The following COG5 variants were observed in gnomAD, a reference collection of about 807,000 sequenced individuals.
COG5 encodes component of oligomeric golgi complex 5.
Under a neutral mutation model 110.4 loss-of-function variants are expected in COG5, and 86 were observed. That is an observed-to-expected ratio of 0.78 (90% CI 0.65 to 0.93). COG5 has a LOEUF of 0.93. Ranked by LOEUF, COG5 falls within the 40% of genes least tolerant of loss-of-function variation. The pLI, the probability that COG5 is intolerant of heterozygous loss-of-function variation, is 0.00. For missense variants in COG5, 1,077 were observed against 987.0 expected, an observed-to-expected ratio of 1.09 and a Z score of -1.22; for synonymous variants, 360 against 334.6, an observed-to-expected ratio of 1.08 and a Z score of -0.83.
intron 6 of COG5, among the ~76,000 whole-genome samples, chr7:107,414,543 C>T (rs1792555614): frequency 6.6e-6 from 1 of 151,914 alleles, no homozygotes; most frequent in African/African-American, 2.4e-5. Flanking sequence ...TTTCAATATT[C>T]TAGTCAATAG....
intron 7 of COG5, among the ~76,000 whole-genome samples, chr7:107,375,741 T>C (rs1431404618): frequency 6.6e-6 from 1 of 151,992 alleles, no homozygotes; most frequent in African/African-American, 2.4e-5. Flanking sequence ...TACAACCACT[T>C]TGATAATTAT....
At chr7:107,526,673 G>T (rs1800776652) in intron 6 of COG5, among the ~76,000 whole-genome samples, 1 of 152,116 alleles carries the variant, frequency 6.6e-6, no homozygotes, top group Non-Finnish European at 1.5e-5. Flanking sequence ...TAAACAAACT[G>T]CAGGCTACTC....
chr7:107,438,770 T>G (rs1794521029), intron 6 of COG5, among the ~76,000 whole-genome samples: 1 of 152,156 alleles, frequency 6.6e-6, no homozygotes, highest in South Asian at 2.1e-4. Context: ...GAAAAGACCA[T>G]GAGAAGGAAT....
intron 6 of COG5, among the ~76,000 whole-genome samples, chr7:107,465,831 T>C (rs1345303987): frequency 6.6e-6 from 1 of 152,140 alleles, no homozygotes; most frequent in Non-Finnish European, 1.5e-5. Context: ...GCAGCCTTCT[T>C]ACAAAAATGT....
At chr7:107,395,541 CTTTTTTTTTTT>C (rs67581814) in intron 7 of COG5, among the ~76,000 whole-genome samples, 4 of 49,994 alleles carry the variant, frequency 8.0e-5, no homozygotes, top group Admixed American at 2.7e-4. Flanking sequence ...TGAAGCAGAT[CTTTTTTTTTTT>C]TTTTTTTTTT....
At chr7:107,311,369 C>CTTT (rs1363120352) in intron 11 of COG5, among the ~76,000 whole-genome samples, 30 of 82,744 alleles carry the variant, frequency 3.6e-4, no homozygotes, top group African/African-American at 9.7e-4. Context: ...AGCGTATTTA[C>CTTT]ATTTTTTTTT....
chr7:107,354,422 T>C (rs942945610), intron 10 of COG5, among the ~76,000 whole-genome samples: 4 of 152,226 alleles, frequency 2.6e-5, no homozygotes, highest in Admixed American at 2.0e-4. Flanking sequence ...CTCATGCCTA[T>C]AATCCCAGCA....
At chr7:107,309,628 G>T (rs775620815) in intron 11 of COG5, among the ~76,000 whole-genome samples, 9 of 152,144 alleles carry the variant, frequency 5.9e-5, no homozygotes, top group East Asian at 3.8e-4. Flanking sequence ...AGGAATACAA[G>T]AAACAAATTA....
In COG5 at chr7:107,307,556, T is replaced by A. The variant is rs148288302; in HGVS notation, c.1109-9210A>T. On this transcript the variant is annotated intron_variant, in intron 11 of 21. Transcript: ENST00000297135. ...ACTACCAGTTATTTTGGAGCCAATA[T>A]CATTCTATCATTTCACTCATAATCA... Among the ~76,000 whole-genome samples the A allele has an allele frequency of 2.5e-3, 381 of 152,336 alleles. 1 individual carries two copies. The highest frequency in any genetic ancestry group is 0.01 in the Middle Eastern group (3 of 294).
chr7:107,527,830 G>C (rs1422236455), intron 5 of COG5, among the ~76,000 whole-genome samples: 1 of 152,100 alleles, frequency 6.6e-6, no homozygotes, highest in East Asian at 1.9e-4. Context: ...AATTCAAGTG[G>C]GTAGACTGAA....
At chr7:107,290,076 A>G (rs985670765) in intron 12 of COG5, among the ~76,000 whole-genome samples, 7 of 152,198 alleles carry the variant, frequency 4.6e-5, no homozygotes, top group Non-Finnish European at 8.8e-5. Flanking sequence ...TCTACTGCCC[A>G]CTATGAGACA....
chr7:107,405,685 G>A (rs1445961092), intron 7 of COG5, among the ~76,000 whole-genome samples: 7 of 152,188 alleles, frequency 4.6e-5, no homozygotes, highest in Admixed American at 4.6e-4. Flanking sequence ...AAATTACACA[G>A]CAAGCTGCAA....
chr7:107,245,629 TAAAACATCTAG>T (rs1801995699), intron 17 of COG5, among the ~76,000 whole-genome samples: 1 of 151,956 alleles, frequency 6.6e-6, no homozygotes, highest in Non-Finnish European at 1.5e-5. Flanking sequence ...CAAAAAAGAA[TAAAACATCTAG>T]GAATACAGGT....
At chr7:107,291,446 G>A (rs1806164237) in intron 12 of COG5, among the ~76,000 whole-genome samples, 1 of 152,096 alleles carries the variant, frequency 6.6e-6, no homozygotes, top group Non-Finnish European at 1.5e-5. Flanking sequence ...GCTTGTTATT[G>A]TTGTTTGCTT....
At chr7:107,463,230 T>C (rs993525401) in intron 6 of COG5, among the ~76,000 whole-genome samples, 5 of 152,260 alleles carry the variant, frequency 3.3e-5, no homozygotes, top group African/African-American at 9.6e-5. Context: ...AACGCCAAAA[T>C]GATACTAAGG....
chr7:107,448,784 T>G (rs1482504836), intron 6 of COG5, among the ~76,000 whole-genome samples: 3 of 152,152 alleles, frequency 2.0e-5, no homozygotes, highest in African/African-American at 7.2e-5. Flanking sequence ...CATTGGAAAT[T>G]TTTTTGGAGA....
At chr7:107,482,120 T>C (rs1028667378) in intron 6 of COG5, among the ~76,000 whole-genome samples, 4 of 150,220 alleles carry the variant, frequency 2.7e-5, no homozygotes, top group Admixed American at 2.0e-4. Flanking sequence ...ATCTCTGAGG[T>C]TGCAGTCCTG....
chr7:107,326,212 C>T (rs528551568), intron 10 of COG5, among the ~76,000 whole-genome samples: 4 of 152,198 alleles, frequency 2.6e-5, no homozygotes, highest in South Asian at 2.1e-4. Context: ...CTCCATGGTG[C>T]GAAACAGAAA....
At chr7:107,321,622 T>C (rs548401652) in intron 11 of COG5, among the ~76,000 whole-genome samples, 2 of 152,264 alleles carry the variant, frequency 1.3e-5, no homozygotes, top group African/African-American at 2.4e-5. Flanking sequence ...GTCTTACTTA[T>C]AGATAACCAA....
Sources: allele counts gnomAD v4.1 joint callset (sites outside exome capture counted in the v4.1 genomes callset), GRCh38; gene constraint gnomAD v4.1.1; transcripts MANE v1.5; gene names NCBI Gene and HGNC (gene_info 2026-07-23, HGNC 2026-07-21).